The following LRMDA variants were observed in gnomAD, a reference collection of about 807,000 sequenced individuals.
LRMDA encodes the protein leucine-rich melanocyte differentiation-associated protein.
LRMDA carries 18 observed loss-of-function variants against 29.8 expected under a neutral mutation model. That is an observed-to-expected ratio of 0.60 (90% confidence interval 0.42 to 0.90). The LOEUF is 0.90. Ranked by LOEUF, LRMDA falls within the 40% of genes least tolerant of loss-of-function variation. The probability of loss-of-function intolerance (pLI) is 0.00; values close to 1 mark genes in which losing one functional copy is unlikely to be tolerated. For missense variants in LRMDA, 273 were observed against 273.9 expected, an observed-to-expected ratio of 1.00 and a Z score of 0.02; for synonymous variants, 125 against 109.4, an observed-to-expected ratio of 1.14 and a Z score of -0.89.
intron 2 of LRMDA, among the ~76,000 whole-genome samples, chr10:75,854,883 A>C (rs558107222): frequency 1.2e-3 from 178 of 152,208 alleles, no homozygotes; most frequent in African/African-American, 3.9e-3. Flanking sequence ...CATGTCCCTA[A>C]AAAGGACATG....
At chr10:76,146,574 C>G (rs944911819) in intron 5 of LRMDA, among the ~76,000 whole-genome samples, 3 of 152,180 alleles carry the variant, frequency 2.0e-5, no homozygotes, top group Admixed American at 2.0e-4. Flanking sequence ...TTATTTTGAG[C>G]CTATATGTCT....
intron 2 of LRMDA, among the ~76,000 whole-genome samples, chr10:75,646,497 A>G (rs1349284615): frequency 2.0e-5 from 3 of 152,214 alleles, no homozygotes; most frequent in Non-Finnish European, 4.4e-5. Flanking sequence ...GAAGAGATAT[A>G]TTTAGTACAG....
intron 2 of LRMDA, among the ~76,000 whole-genome samples, chr10:75,650,725 G>T (rs1698367055): frequency 6.6e-6 from 1 of 152,084 alleles, no homozygotes; most frequent in Non-Finnish European, 1.5e-5. Context: ...GGGAGGGAGG[G>T]CCCTTTTCTA....
At chr10:75,859,928 C>T (rs994080020) in intron 2 of LRMDA, among the ~76,000 whole-genome samples, 2 of 152,038 alleles carry the variant, frequency 1.3e-5, no homozygotes, top group Non-Finnish European at 2.9e-5. Flanking sequence ...TTTATGTTAA[C>T]GTTGATGTTA....
At chr10:75,433,379 T>C (rs1411371573) in intron 1 of LRMDA, among the ~76,000 whole-genome samples, 1 of 152,058 alleles carries the variant, frequency 6.6e-6, no homozygotes, top group African/African-American at 2.4e-5. Flanking sequence ...TTCATGGAAG[T>C]GTGGGTGAGG....
chr10:76,408,987 A>G (rs1841930654), intron 6 of LRMDA, among the ~76,000 whole-genome samples: 1 of 152,212 alleles, frequency 6.6e-6, no homozygotes. Flanking sequence ...GAATGAATGA[A>G]TGATGGAAGC....
chr10:75,990,878 T>C (rs1223062831), intron 2 of LRMDA, among the ~76,000 whole-genome samples: 1 of 152,100 alleles, frequency 6.6e-6, no homozygotes, highest in East Asian at 1.9e-4. Context: ...AGGGAAGCCT[T>C]GTGGAGGCCA....
At chr10:76,473,885 G>T (rs983037291) in intron 6 of LRMDA, among the ~76,000 whole-genome samples, 25 of 151,596 alleles carry the variant, frequency 1.6e-4, no homozygotes, top group African/African-American at 6.0e-4. Flanking sequence ...GTTCCTGGAT[G>T]TAAAGACAAC....
intron 5 of LRMDA, among the ~76,000 whole-genome samples, chr10:76,126,658 A>G (rs1285158260): frequency 6.6e-6 from 1 of 151,996 alleles, no homozygotes; most frequent in Admixed American, 6.6e-5. Context: ...CTTGCAATAC[A>G]TTTTGTTCTT....
chr10:75,483,098 C>G (rs866194973), intron 2 of LRMDA, among the ~76,000 whole-genome samples: 1 of 152,128 alleles, frequency 6.6e-6, no homozygotes, highest in Non-Finnish European at 1.5e-5. Flanking sequence ...GTGTGCACCA[C>G]CACACCTGGC....
chr10:75,643,265 A>G (rs1841476655), intron 2 of LRMDA, among the ~76,000 whole-genome samples: 1 of 152,070 alleles, frequency 6.6e-6, no homozygotes, highest in South Asian at 2.1e-4. Flanking sequence ...TAAATAACTA[A>G]GGGATTGAAA....
intron 2 of LRMDA, among the ~76,000 whole-genome samples, chr10:75,962,031 A>G (rs1463862497): frequency 6.6e-6 from 1 of 152,166 alleles, no homozygotes; most frequent in Non-Finnish European, 1.5e-5. Context: ...CCCTTGGTGT[A>G]AGGACATCAG....
intron 5 of LRMDA, among the ~76,000 whole-genome samples, chr10:76,290,304 T>A (rs776492719): frequency 6.6e-6 from 1 of 152,180 alleles, no homozygotes; most frequent in Non-Finnish European, 1.5e-5. Context: ...TATTTCCTTG[T>A]TAAGACTGAG....
At chr10:75,697,657 A>C (rs891971674) in intron 2 of LRMDA, among the ~76,000 whole-genome samples, 1 of 152,166 alleles carries the variant, frequency 6.6e-6, no homozygotes, top group African/African-American at 2.4e-5. Context: ...CATCAGAAAG[A>C]GATTTTATTA....
chr10:76,373,777 T>G (rs1360612459), intron 6 of LRMDA, among the ~76,000 whole-genome samples: 1 of 152,198 alleles, frequency 6.6e-6, no homozygotes, highest in East Asian at 1.9e-4. Flanking sequence ...GATGATGGGC[T>G]TTATAGTTCT....
intron 2 of LRMDA, among the ~76,000 whole-genome samples, chr10:75,696,390 A>T (rs1842235048): frequency 6.6e-6 from 1 of 152,226 alleles, no homozygotes; most frequent in Admixed American, 6.5e-5. Flanking sequence ...TGGCAATTAA[A>T]TGTGCCACAG....
intron 5 of LRMDA, among the ~76,000 whole-genome samples, chr10:76,166,522 AT>A (rs1253871088): frequency 6.6e-6 from 1 of 151,850 alleles, no homozygotes; most frequent in Non-Finnish European, 1.5e-5. Context: ...TTATGTGTCC[AT>A]GTGTTCTCAT....
At position 75,852,913 on chromosome 10, in the gene LRMDA, G is replaced by T. The variant is rs576805948; in HGVS notation, c.132-183095G>T. On this transcript the variant is annotated intron_variant, in intron 2 of 6. Transcript: ENST00000611255. ...GATTAATTCACAGTTCTACATAGCT[G>T]GAGAGACCTCAGGAAACTTACAATC... Among the ~76,000 whole-genome samples the T allele has an allele frequency of 5.3e-5, 8 of 152,202 alleles. No individual in the cohort carries two copies. In the East Asian group the frequency reaches 7.7e-4, roughly 15 times the overall value.
intron 5 of LRMDA, among the ~76,000 whole-genome samples, chr10:76,252,338 A>G (rs1852501379): frequency 6.6e-6 from 1 of 152,258 alleles, no homozygotes; most frequent in South Asian, 2.1e-4. Flanking sequence ...TTAATTTATT[A>G]GCTAACAACA....
Sources: allele counts gnomAD v4.1 joint callset (sites outside exome capture counted in the v4.1 genomes callset), GRCh38; gene constraint gnomAD v4.1.1; transcripts MANE v1.5; gene names NCBI Gene and HGNC (gene_info 2026-07-23, HGNC 2026-07-21).